HMGCLL1: variants seen among roughly 807,000 people sequenced by gnomAD.
The protein encoded by HMGCLL1 is 3-hydroxymethyl-3-methylglutaryl-CoA lyase, cytoplasmic.
A neutral mutation model predicts 39.1 loss-of-function variants in HMGCLL1; 36 were observed. The observed-to-expected ratio is 0.92, with a 90% CI of 0.71 to 1.22. The LOEUF (loss-of-function observed/expected upper bound fraction) is 1.22. Among genes scored for constraint, HMGCLL1 ranks in the 50% most tolerant of loss-of-function variants. The probability of loss-of-function intolerance (pLI) is 0.00; values close to 1 mark genes in which losing one functional copy is unlikely to be tolerated. For missense variants in HMGCLL1, 451 were observed against 416.5 expected (o/e 1.08, Z -0.72); for synonymous variants, 149 against 144.0 (o/e 1.03, Z -0.25).
At chr6:55,588,273 T>C in the HMGCLL1 span, among the ~76,000 whole-genome samples, 1,313 of 151,968 alleles carry the variant, frequency 8.6e-3, 15 homozygotes, top group Middle Eastern at 0.031. Context: ...CTCAAATACA[T>C]GGAAACTGAA....
At chr6:55,588,578 G>C in the HMGCLL1 span, among the ~76,000 whole-genome samples, 1 of 151,986 alleles carries the variant, frequency 6.6e-6, no homozygotes, top group Non-Finnish European at 1.5e-5. Flanking sequence ...AGGAGTTAGA[G>C]ACACAAAAAA....
chr6:55,638,516 G>C, the HMGCLL1 span, among the ~76,000 whole-genome samples: 1 of 151,608 alleles, frequency 6.6e-6, no homozygotes, highest in Non-Finnish European at 1.5e-5. Context: ...GCTTAGTTTA[G>C]ACAGAAGCTA....
intron 1 of HMGCLL1, chr6:55,563,976 A>G: frequency 6.5e-6 from 5 of 765,994 alleles, no homozygotes; most frequent in Admixed American, 2.3e-5. Flanking sequence ...GGCTACCTCA[A>G]CATTCAGCAC....
the HMGCLL1 span, among the ~76,000 whole-genome samples, chr6:55,662,665 G>A: frequency 1.3e-5 from 2 of 151,724 alleles, no homozygotes; most frequent in African/African-American, 4.8e-5. Flanking sequence ...TCACTGCCAG[G>A]TTTTGGTATC....
chr6:55,481,631 T>C (rs1277835943), intron 7 of HMGCLL1, among the ~76,000 whole-genome samples: 1 of 151,546 alleles, frequency 6.6e-6, no homozygotes, highest in Non-Finnish European at 1.5e-5. Context: ...AGTGAAAGCA[T>C]GCCCTATTTC....
chr6:55,526,428 T>G (rs1049259765), intron 3 of HMGCLL1, among the ~76,000 whole-genome samples: 7 of 152,078 alleles, frequency 4.6e-5, no homozygotes, highest in Non-Finnish European at 8.8e-5. Context: ...TCATTGCTCT[T>G]ATCAAATTTT....
chr6:55,516,724 T>TAA, intron 3 of HMGCLL1, 121 bp from the exon 4 acceptor site: 1 of 511,012 alleles, frequency 2.0e-6, no homozygotes, highest in Non-Finnish European at 3.4e-6. Context: ...ATATCTGAAA[T>TAA]AAAAAAAAAT....
At chr6:55,651,457 A>G in the HMGCLL1 span, among the ~76,000 whole-genome samples, 1 of 152,072 alleles carries the variant, frequency 6.6e-6, no homozygotes, top group Non-Finnish European at 1.5e-5. Context: ...GGTATCTAAG[A>G]TACAAGACAA....
chr6:55,586,832 T>G, the HMGCLL1 span, among the ~76,000 whole-genome samples: 2 of 152,128 alleles, frequency 1.3e-5, no homozygotes, highest in African/African-American at 4.8e-5. Context: ...TCTTTGCTAT[T>G]ATGAATAGTG....
In HMGCLL1 at chr6:55,434,380, C is replaced by T. The variant is rs1763293016; in HGVS notation, c.*1282G>A. 6.6e-6 allele frequency: 1 copy of T among 152,026 alleles called. No individual in the cohort carries two copies. The highest frequency in any genetic ancestry group is 2.1e-4 in the South Asian group (1 of 4,832). The allele number at this position is 152,026 out of a possible 1,614,324, so 9.4% of individuals were successfully genotyped here. On this transcript the variant is annotated 3_prime_UTR_variant, in exon 9 of 9. Coordinates refer to ENST00000274901, the MANE Select transcript of HMGCLL1 (RefSeq NM_001042406.2). ...CAACATAATCAGTACTTCTTACTTTCTTGAATTTATTTTTATTTCAATGGT... is the reference window on the plus strand; with the variant it reads ...CAACATAATCAGTACTTCTTACTTTTTTGAATTTATTTTTATTTCAATGGT...
chr6:55,641,366 G>C, the HMGCLL1 span, among the ~76,000 whole-genome samples: 2 of 151,996 alleles, frequency 1.3e-5, no homozygotes, highest in African/African-American at 2.4e-5. Flanking sequence ...GACCAAAAAG[G>C]TGGGCCCATT....
At chr6:55,493,336 A>T (rs1766407455) in intron 7 of HMGCLL1, among the ~76,000 whole-genome samples, 1 of 152,088 alleles carries the variant, frequency 6.6e-6, no homozygotes, top group South Asian at 2.1e-4. Context: ...TCTTTTGCTG[A>T]TTCACCCTTT....
chr6:55,515,908 C>T (rs1049763566), intron 4 of HMGCLL1, among the ~76,000 whole-genome samples: 1 of 151,928 alleles, frequency 6.6e-6, no homozygotes, highest in African/African-American at 2.4e-5. Context: ...TGCTGCAAAA[C>T]CTATGCAATA....
chr6:55,552,602 C>T (rs1770401688), intron 1 of HMGCLL1, among the ~76,000 whole-genome samples: 1 of 151,984 alleles, frequency 6.6e-6, no homozygotes, highest in South Asian at 2.1e-4. Flanking sequence ...TATGTGATGA[C>T]CATTATACAA....
chr6:55,610,985 T>C, the HMGCLL1 span, among the ~76,000 whole-genome samples: 1 of 152,110 alleles, frequency 6.6e-6, no homozygotes, highest in Admixed American at 6.6e-5. Flanking sequence ...TGGCATTTAC[T>C]CAAAAATCTA....
At chr6:55,594,668 A>G in the HMGCLL1 span, among the ~76,000 whole-genome samples, 7 of 152,290 alleles carry the variant, frequency 4.6e-5, no homozygotes, top group Admixed American at 4.6e-4. Flanking sequence ...TGAGATAAGC[A>G]GCTAGGGACA....
the HMGCLL1 span, among the ~76,000 whole-genome samples, chr6:55,600,549 G>A: frequency 6.6e-6 from 1 of 151,966 alleles, no homozygotes; most frequent in Non-Finnish European, 1.5e-5. Flanking sequence ...TACTATTACA[G>A]CATGAAAACA....
chr6:55,457,531 G>T (rs932525311), intron 7 of HMGCLL1, among the ~76,000 whole-genome samples: 1 of 152,088 alleles, frequency 6.6e-6, no homozygotes, highest in African/African-American at 2.4e-5. Flanking sequence ...CCAAGAAAAG[G>T]GCAGGAGAGA....
chr6:55,658,871 T>C, the HMGCLL1 span, among the ~76,000 whole-genome samples: 1 of 151,842 alleles, frequency 6.6e-6, no homozygotes, highest in Non-Finnish European at 1.5e-5. Context: ...GCAAGCATAT[T>C]CTAGGATAGA....
Sources: gnomAD v4.1 joint callset for allele counts (sites outside exome capture counted in the v4.1 genomes callset) on GRCh38, gnomAD v4.1.1 for gene constraint, MANE v1.5 for transcripts, NCBI Gene and HGNC (gene_info 2026-07-23, HGNC 2026-07-21) for gene names.